The following FMNL3 variants were observed in gnomAD, a reference collection of about 807,000 sequenced individuals.
The protein encoded by FMNL3 is formin like 3, also known as formin-like protein 3.
In FMNL3, 57 loss-of-function variants were observed where a neutral mutation model predicts 119.6. The ratio of observed to expected loss-of-function variants is 0.48; its 90% CI spans 0.39 to 0.59. The LOEUF is 0.59. FMNL3 is among the 20% of genes least tolerant of loss of function. The pLI is 0.00. For missense variants in FMNL3, 1,053 were observed against 1,323.5 expected, an observed-to-expected ratio of 0.80 and a Z score of 3.17; for synonymous variants, 491 against 507.3, an observed-to-expected ratio of 0.97 and a Z score of 0.43.
At chr12:49,697,355 T>C (rs1207366378) in intron 1 of FMNL3, among the ~76,000 whole-genome samples, 1 of 152,200 alleles carries the variant, frequency 6.6e-6, no homozygotes, top group East Asian at 1.9e-4. Context: ...CATGGCTCTG[T>C]CTTCCCTTTT....
Position 49,649,384 on chromosome 12 carries a change from A to G in FMNL3, c.2305-45T>C, listed in dbSNP as rs770267899. The G allele has an allele frequency of 6.2e-7, 1 of 1,613,710 alleles. No homozygotes were observed. The highest frequency in any genetic ancestry group is 8.5e-7 in the Non-Finnish European group (1 of 1,179,678). On this transcript the variant is annotated intron_variant, in intron 19 of 25. Coordinates refer to ENST00000335154, the MANE Select transcript of FMNL3 (RefSeq NM_175736.5). The surrounding 1 kb of genome is among the most constrained non-coding windows in gnomAD (Gnocchi z 5.6). ...GAGGCAGGTCAGGCTCAGGTCCTGA[A>G]GGCTCCTTCTTCCTCTCTGTATAGC...
At position 49,645,759 on chromosome 12, in the gene FMNL3, A is replaced by G; in HGVS notation, c.*56T>C. The stretch of plus-strand genomic sequence containing the variant: ...TGAGCCCTTGGCCAATTCCAGGTCC[A>G]CTGGTTGGACTTGTAGGACTCTGAG... On this transcript the variant is annotated 3_prime_UTR_variant, in exon 26 of 26. Coordinates refer to ENST00000335154, the MANE Select transcript of FMNL3 (RefSeq NM_175736.5). 6.7e-7 allele frequency: 1 copy of G among 1,486,394 alleles called. No homozygotes were observed. Among genetic ancestry groups the G allele is most frequent in the Middle Eastern group, 1.7e-4 (1 of 5,726 alleles). The allele number at this position is 1,486,394 out of a possible 1,614,324, so 92.1% of individuals were successfully genotyped here. A position where few individuals can be genotyped will look rare whatever the true frequency, so the allele number is the denominator to read the frequency against.
Position 49,658,580 on chromosome 12 carries a change from C to A in FMNL3, c.467G>T (p.Gly156Val). ...AQCSVMFDFE[G>V]LESGDDGAFD... ...TGCACCATCGTCACCACTTTCCAGA[C>A]CCTCAAAGTCAAACCTGGAGCATGA... Residue 156 changes from glycine to valine, a missense_variant, in exon 6 of 26, where the codon GGT becomes GTT. Gly to Val is a moderately radical substitution (Grantham distance 109, BLOSUM62 -3). Transcript: ENST00000335154. 1 of 1,609,300 alleles carries A rather than the reference C, an allele frequency of 6.2e-7. No individual in the cohort carries two copies. Among genetic ancestry groups the A allele is most frequent in the Admixed American group, 1.7e-5 (1 of 59,388 alleles).
At chr12:49,687,952 A>G (rs1944509672) in intron 1 of FMNL3, among the ~76,000 whole-genome samples, 1 of 152,210 alleles carries the variant, frequency 6.6e-6, no homozygotes, top group African/African-American at 2.4e-5. Flanking sequence ...CAGAAAATGG[A>G]ACAGCACCCA....
intron 1 of FMNL3, 84 bp from the exon 2 acceptor site, chr12:49,668,638 T>C: frequency 8.1e-7 from 1 of 1,232,250 alleles, no homozygotes. Context: ...ACCTTTCTGC[T>C]ACTGGGCCCT....
chr12:49,642,234 G>A lies in FMNL3; in HGVS notation c.*3581C>T, dbSNP rs1942774920. The A allele has an allele frequency of 6.2e-7, 1 of 1,614,058 alleles. No homozygotes were observed. Among genetic ancestry groups the A allele is most frequent in the African/African-American group, 1.3e-5 (1 of 74,944 alleles). On this transcript the variant is annotated 3_prime_UTR_variant, in exon 26 of 26. Coordinates refer to ENST00000335154, the MANE Select transcript of FMNL3 (RefSeq NM_175736.5). This position sits in a 1 kb window ranked among gnomAD's most constrained non-coding sequence, Gnocchi z 5.8. ...CTGTTCCGTGTCCCTTCTTTCCTCA[G>A]CTGCTGGAGAAAGCAGAGGCACGGG...
At chr12:49,662,405 T>C (rs1470761111) in intron 4 of FMNL3, among the ~76,000 whole-genome samples, 2 of 152,148 alleles carry the variant, frequency 1.3e-5, no homozygotes, top group African/African-American at 4.8e-5. Flanking sequence ...TTAGGAAGCA[T>C]CAAGAGCATT....
chr12:49,640,572 C>T lies in FMNL3; in HGVS notation c.*5243G>A, dbSNP rs761069026. On this transcript the variant is annotated 3_prime_UTR_variant, in exon 26 of 26. Coordinates refer to ENST00000335154, the MANE Select transcript of FMNL3 (RefSeq NM_175736.5). ...TCATGGAGGTGGCATGGGGGCAGCA[C>T]ATGTTTTAGAGTCAGATTACTCCTG... The T allele has an allele frequency of 6.6e-6, 1 of 152,124 alleles. No homozygotes were observed. Among genetic ancestry groups the T allele is most frequent in the Non-Finnish European group, 1.5e-5 (1 of 68,016 alleles). 9.4% of individuals were successfully genotyped at this position (152,124 alleles called of 1,614,324 possible).
At chr12:49,706,940 G>A (rs1447738170) in intron 1 of FMNL3, 115 bp downstream of exon 1, 4 of 1,261,680 alleles carry the variant, frequency 3.2e-6, no homozygotes, top group African/African-American at 3.1e-5. Context: ...GCCGGGATCC[G>A]TTCGGGACCC....
intron 1 of FMNL3, among the ~76,000 whole-genome samples, chr12:49,689,563 C>T (rs1305941839): frequency 2.0e-5 from 3 of 152,090 alleles, no homozygotes; most frequent in Admixed American, 6.5e-5. Context: ...CAGCAAGATA[C>T]CATCTCTACA....
chr12:49,636,661 T>G lies in FMNL3; in HGVS notation c.*9154A>C. The G allele has an allele frequency of 6.2e-7, 1 of 1,608,410 alleles. No individual in the cohort carries two copies. Among genetic ancestry groups the G allele is most frequent in the Non-Finnish European group, 8.5e-7 (1 of 1,175,792 alleles). ...CGTTGAAACATTAGGGGTGCTGGGGTCTGAGAGGGTATCCTGCTGGGACAA... is the reference window on the plus strand; with the variant it reads ...CGTTGAAACATTAGGGGTGCTGGGGGCTGAGAGGGTATCCTGCTGGGACAA... On this transcript the variant is annotated 3_prime_UTR_variant, in exon 26 of 26. Transcript: ENST00000335154.
At chr12:49,660,396 AGC>A (rs1400754856) in intron 5 of FMNL3, among the ~76,000 whole-genome samples, 3 of 152,230 alleles carry the variant, frequency 2.0e-5, no homozygotes, top group African/African-American at 7.2e-5. Flanking sequence ...TTACTATAAA[AGC>A]TCTGAATTTT....
intron 1 of FMNL3, among the ~76,000 whole-genome samples, chr12:49,698,519 ACC>A (rs146667735): frequency 0.047 from 6,898 of 148,106 alleles, 211 homozygotes; most frequent in Non-Finnish European, 0.069. Flanking sequence ...ACTGCTCCCC[ACC>A]CCCAAAAAAA....
Position 49,642,937 on chromosome 12 carries a change from G to T in FMNL3, c.*2878C>A. ...TTCCTCTGCCTCTAGCAGACTGAAT[G>T]CCAGCACCTCCACACCAAAGGCCGA... is the stretch of plus-strand genomic sequence containing the variant. On this transcript the variant is annotated 3_prime_UTR_variant, in exon 26 of 26. Coordinates refer to ENST00000335154, the MANE Select transcript of FMNL3 (RefSeq NM_175736.5). This position sits in a 1 kb window ranked among gnomAD's most constrained non-coding sequence, Gnocchi z 5.8. 2 of 1,613,294 alleles carry T rather than the reference G, an allele frequency of 1.2e-6. No homozygotes were observed. Among genetic ancestry groups the T allele is most frequent in the Non-Finnish European group, 1.7e-6 (2 of 1,179,592 alleles).
Position 49,656,859 on chromosome 12 carries a change from T to C in FMNL3, c.755A>G (p.Asn252Ser), listed in dbSNP as rs752234257. The C allele has an allele frequency of 7.4e-6, 12 of 1,613,954 alleles. No homozygotes were observed. Among genetic ancestry groups the C allele is most frequent in the Non-Finnish European group, 9.3e-6 (11 of 1,180,000 alleles). The change falls in exon 8 of 26, where the codon AAT (asparagine) becomes AGT (serine). Residue 252 changes from asparagine (N) to serine (S), a missense_variant. Around this residue, in one of 4 missense-constraint regions of FMNL3, gnomAD observed 445 missense variants for 628.4 expected, o/e 0.71. Transcript: ENST00000335154. ...NLVMSHPHAV[N>S]EIALSLNNKN... The stretch of plus-strand genomic sequence containing the variant: ...GTTATTGAGGCTAAGTGCAATCTCA[T>C]TGACAGCATGGGGGTGGGACATGAC...
At chr12:49,656,094 CA>C (rs1366251801) in intron 9 of FMNL3, among the ~76,000 whole-genome samples, 2 of 152,096 alleles carry the variant, frequency 1.3e-5, no homozygotes, top group Non-Finnish European at 2.9e-5. Flanking sequence ...AACTAGAGCA[CA>C]GGGATCTGTA....
At position 49,658,540 on chromosome 12, in the gene FMNL3, C is replaced by A; in HGVS notation, c.507G>T (p.Arg169=). The change falls in exon 6 of 26, where the codon CGG becomes CGT. Residue 169 remains arginine, a synonymous_variant. Coordinates refer to ENST00000335154, the MANE Select transcript of FMNL3 (RefSeq NM_175736.5). ...SGDDGAFDKL[R]SWSRSIEDLQ... ...GGTCCTCGATTGACCTGCTCCAGGA[C>A]CGGAGTTTGTCAAATGCACCATCGT... 6.2e-7 allele frequency: 1 copy of A among 1,613,418 alleles called. No individual in the cohort carries two copies. Among genetic ancestry groups the A allele is most frequent in the Non-Finnish European group, 8.5e-7 (1 of 1,179,650 alleles).
chr12:49,644,292 C>T lies in FMNL3; in HGVS notation c.*1523G>A, dbSNP rs1943054900. On this transcript the variant is annotated 3_prime_UTR_variant, in exon 26 of 26. Transcript: ENST00000335154. ...CTTCTTCCTTAGTCTGGTCTGTGTC[C>T]ACTTTTTCTAAAGTAACCCCACCCC... 2.9e-6 allele frequency: 4 copies of T among 1,379,150 alleles called. No individual in the cohort carries two copies. Among genetic ancestry groups the T allele is most frequent in the South Asian group, 2.4e-5 (2 of 82,060 alleles). 85.4% of individuals were successfully genotyped at this position (1,379,150 alleles called of 1,614,324 possible).
chr12:49,704,588 G>A (rs981914187), intron 1 of FMNL3, among the ~76,000 whole-genome samples: 1 of 152,016 alleles, frequency 6.6e-6, no homozygotes, highest in Non-Finnish European at 1.5e-5. Flanking sequence ...GCACGCGCCT[G>A]TAATCCCAGC....
Sources: gnomAD v4.1 joint callset for allele counts (sites outside exome capture counted in the v4.1 genomes callset) on GRCh38, gnomAD v4.1.1 for gene constraint, gnomAD v4.1.1 regional missense constraint, Gnocchi (gnomAD v3.1) non-coding constraint, MANE v1.5 for transcripts, NCBI Gene and HGNC (gene_info 2026-07-23, HGNC 2026-07-21) for gene names.